The following NFIA variants were observed in gnomAD, a reference collection of about 807,000 sequenced individuals.
NFIA encodes nuclear factor 1 A-type.
A neutral mutation model predicts 62.8 loss-of-function variants in NFIA; 8 were observed. That is an observed-to-expected ratio of 0.13 (90% CI 0.07 to 0.23). NFIA has a LOEUF of 0.23. Ranked by LOEUF, NFIA falls within the 10% of genes least tolerant of loss-of-function variation. The pLI, the probability that NFIA is intolerant of heterozygous loss-of-function variation, is 1.00. For missense variants in NFIA, 410 were observed against 642.1 expected, an observed-to-expected ratio of 0.64 and a Z score of 3.91; for synonymous variants, 235 against 238.1, an observed-to-expected ratio of 0.99 and a Z score of 0.12.
chr1:61,103,171 A>G (rs1646541046), intron 2 of NFIA, among the ~76,000 whole-genome samples: 1 of 152,198 alleles, frequency 6.6e-6, no homozygotes, highest in Non-Finnish European at 1.5e-5. Context: ...GTGCAAAGAC[A>G]TATGTGAAAA....
chr1:61,245,905 T>G (rs1260133675), intron 2 of NFIA, among the ~76,000 whole-genome samples: 1 of 152,202 alleles, frequency 6.6e-6, no homozygotes, highest in East Asian at 1.9e-4. Context: ...TATAAACCAC[T>G]CAATCCCTGG....
chr1:61,376,145 C>G (rs1664139782), intron 6 of NFIA, among the ~76,000 whole-genome samples: 1 of 152,098 alleles, frequency 6.6e-6, no homozygotes, highest in Non-Finnish European at 1.5e-5. Flanking sequence ...TGTTTAGATG[C>G]TGACTTTAGA....
At chr1:61,157,564 G>C (rs911766830) in intron 2 of NFIA, among the ~76,000 whole-genome samples, 5 of 152,222 alleles carry the variant, frequency 3.3e-5, no homozygotes, top group African/African-American at 1.2e-4. Context: ...GTTTGGAAAC[G>C]TGGCAGCCTG....
At chr1:61,105,994 A>C (rs1030981111) in intron 2 of NFIA, among the ~76,000 whole-genome samples, 1 of 150,870 alleles carries the variant, frequency 6.6e-6, no homozygotes, top group South Asian at 2.1e-4. Context: ...TATTTGTAGA[A>C]TCTCGGTTCT....
rs532692578 is a variant in NFIA, at chr1:61,357,789, A to G, written c.819-1358A>G. ...GGTATTTCATGAATGAAACATACGA[A>G]AACTTCTGTCCCCTGAAACGTGAAG... On this transcript the variant is annotated intron_variant, in intron 5 of 10. Transcript: ENST00000403491. 2.6e-3 allele frequency among the ~76,000 whole-genome samples: 394 copies of G among 152,244 alleles called. 3 individuals are homozygous for G. The highest frequency in any genetic ancestry group is 9.1e-3 in the African/African-American group (377 of 41,556).
At chr1:61,422,026 C>T (rs1666643513) in intron 9 of NFIA, among the ~76,000 whole-genome samples, 1 of 152,138 alleles carries the variant, frequency 6.6e-6, no homozygotes, top group Non-Finnish European at 1.5e-5. Context: ...CTTTGGGAGG[C>T]CAAAGTGGGA....
At chr1:61,390,429 A>T (rs987745757) in intron 7 of NFIA, among the ~76,000 whole-genome samples, 2 of 152,150 alleles carry the variant, frequency 1.3e-5, no homozygotes, top group African/African-American at 4.8e-5. Context: ...TAAACCAAAG[A>T]TTTATTGTGC....
chr1:61,263,157 T>G (rs1166418507), intron 2 of NFIA, among the ~76,000 whole-genome samples: 1 of 152,236 alleles, frequency 6.6e-6, no homozygotes, highest in African/African-American at 2.4e-5. Context: ...AATGATTTGT[T>G]TTTATCTTCT....
At chr1:61,123,590 A>G (rs569926719) in intron 2 of NFIA, among the ~76,000 whole-genome samples, 9 of 152,322 alleles carry the variant, frequency 5.9e-5, no homozygotes, top group African/African-American at 2.2e-4. Context: ...ACAAGAATAA[A>G]TCTGGAGCGA....
chr1:61,310,116 T>C (rs191549715), intron 3 of NFIA, among the ~76,000 whole-genome samples: 13 of 152,226 alleles, frequency 8.5e-5, no homozygotes, highest in Admixed American at 2.0e-4. Flanking sequence ...TTAAGATGTA[T>C]CTCAGGTGAA....
At chr1:61,139,489 G>A (rs556507466) in intron 2 of NFIA, among the ~76,000 whole-genome samples, 5 of 152,182 alleles carry the variant, frequency 3.3e-5, no homozygotes, top group East Asian at 1.9e-4. Flanking sequence ...GGATTTCTGG[G>A]CATCTATTTT....
intron 2 of NFIA, among the ~76,000 whole-genome samples, chr1:61,093,484 G>A (rs1487761473): frequency 5.3e-5 from 8 of 152,020 alleles, no homozygotes; most frequent in African/African-American, 1.7e-4. Flanking sequence ...GTAAATTATT[G>A]ATATATGGCA....
intron 2 of NFIA, among the ~76,000 whole-genome samples, chr1:61,138,685 A>T (rs980481299): frequency 6.6e-6 from 1 of 151,450 alleles, no homozygotes; most frequent in Non-Finnish European, 1.5e-5. Context: ...GGTTCCAGAA[A>T]TCTCCCTCCT....
intron 2 of NFIA, chr1:61,249,968 A>G (rs1048794493): frequency 2.0e-5 from 3 of 152,256 alleles, no homozygotes; most frequent in Non-Finnish European, 4.4e-5. Context: ...AGAAAAACAC[A>G]TGCAGTTCCT....
chr1:61,328,328 C>T (rs1322640102), intron 3 of NFIA, among the ~76,000 whole-genome samples: 5 of 151,980 alleles, frequency 3.3e-5, no homozygotes, highest in African/African-American at 7.2e-5. Context: ...TTGGCTCCTT[C>T]GTATCTTTCA....
chr1:61,359,383 C>T, intron 6 of NFIA, 109 bp downstream of exon 6: 2 of 1,487,424 alleles, frequency 1.3e-6, no homozygotes, highest in Non-Finnish European at 1.8e-6. Flanking sequence ...AGGTAGTTCA[C>T]TTTTTCAGGA....
chr1:61,148,389 G>GTCCCCTA (rs1223616168), intron 2 of NFIA, among the ~76,000 whole-genome samples: 3 of 151,956 alleles, frequency 2.0e-5, no homozygotes, highest in Non-Finnish European at 4.4e-5. Flanking sequence ...CACCTTCCCT[G>GTCCCCTA]TCCCCTATCC....
At chr1:61,384,015 A>C (rs1015085765) in intron 7 of NFIA, among the ~76,000 whole-genome samples, 1 of 152,242 alleles carries the variant, frequency 6.6e-6, no homozygotes, top group Non-Finnish European at 1.5e-5. Flanking sequence ...TGTATTTCGC[A>C]TTAAAGACAA....
chr1:61,161,987 T>C (rs1048154238), intron 2 of NFIA, among the ~76,000 whole-genome samples: 3 of 152,218 alleles, frequency 2.0e-5, no homozygotes, highest in Admixed American at 1.3e-4. Flanking sequence ...TGTAAATTTA[T>C]AAAGTCATAG....
Sources: allele counts gnomAD v4.1 joint callset (sites outside exome capture counted in the v4.1 genomes callset), GRCh38; gene constraint gnomAD v4.1.1; transcripts MANE v1.5; gene names NCBI Gene and HGNC (gene_info 2026-07-23, HGNC 2026-07-21).